The following OSMR variants were observed in gnomAD, a reference collection of about 807,000 sequenced individuals.
OSMR encodes the protein oncostatin M receptor, also known as oncostatin-M-specific receptor subunit beta.
In OSMR, 81 loss-of-function variants were observed where a neutral mutation model predicts 99.9. The observed-to-expected ratio is 0.81, with a 90% CI of 0.68 to 0.97. The LOEUF is 0.97. Among genes scored for constraint, OSMR ranks in the 50% least tolerant of loss-of-function variants. OSMR has a pLI of 0.00. For missense variants in OSMR, 1,099 were observed against 1,153.4 expected (o/e 0.95, Z 0.68); for synonymous variants, 406 against 410.4 (o/e 0.99, Z 0.13).
At chr5:38,915,823 A>G (rs1341643497) in intron 9 of OSMR, among the ~76,000 whole-genome samples, 2 of 152,214 alleles carry the variant, frequency 1.3e-5, no homozygotes, top group Non-Finnish European at 2.9e-5. Flanking sequence ...GTGATTGAGT[A>G]GAGAGATAAA....
intron 7 of OSMR, among the ~76,000 whole-genome samples, chr5:38,891,612 C>T (rs576953717): frequency 5.3e-4 from 81 of 152,244 alleles, no homozygotes; most frequent in Middle Eastern, 3.4e-3. Context: ...CACCATGGAC[C>T]TTTGTAATCC....
intron 7 of OSMR, chr5:38,903,589 G>T (rs564307774): frequency 6.2e-6 from 1 of 160,732 alleles, no homozygotes; most frequent in East Asian, 1.9e-4. Context: ...TCCGCTGTGG[G>T]CCATCTTCTC....
intron 9 of OSMR, among the ~76,000 whole-genome samples, chr5:38,916,620 G>A (rs1023437017): frequency 1.3e-5 from 2 of 152,116 alleles, no homozygotes; most frequent in Non-Finnish European, 2.9e-5. Context: ...TTAATACATA[G>A]GTACCCAGAG....
chr5:38,900,655 A>G (rs1225992362), intron 7 of OSMR, among the ~76,000 whole-genome samples: 6 of 152,256 alleles, frequency 3.9e-5, no homozygotes, highest in Non-Finnish European at 8.8e-5. Context: ...GAGAAGGATT[A>G]CATAATGTTT....
At chr5:38,886,447 G>T in intron 7 of OSMR, 1 of 923,308 alleles carries the variant, frequency 1.1e-6, no homozygotes, top group East Asian at 3.3e-5. Context: ...AATAACTTCT[G>T]TCATATCTCA....
intron 1 of OSMR, among the ~76,000 whole-genome samples, chr5:38,848,288 A>G (rs1318133506): frequency 6.6e-6 from 1 of 152,174 alleles, no homozygotes; most frequent in Non-Finnish European, 1.5e-5. Flanking sequence ...CCAAACCAAA[A>G]CAAATAGAAT....
intron 1 of OSMR, among the ~76,000 whole-genome samples, chr5:38,862,690 G>A (rs1338696170): frequency 2.4e-4 from 37 of 151,920 alleles, no homozygotes; most frequent in Non-Finnish European, 5.2e-4. Context: ...TGGGCTGCCG[G>A]GCAGAGACGC....
chr5:38,924,216 A>T, intron 13 of OSMR: 1 of 682,520 alleles, frequency 1.5e-6, no homozygotes, highest in Non-Finnish European at 1.8e-6. Context: ...AAAAGGCAAG[A>T]CTTGAACAAG....
intron 4 of OSMR, among the ~76,000 whole-genome samples, chr5:38,882,252 A>G (rs189911746): frequency 1.2e-4 from 18 of 152,290 alleles, no homozygotes; most frequent in African/African-American, 4.1e-4. Flanking sequence ...GTGTAAACCA[A>G]TGAGACAGCT....
chr5:38,883,699 T>G, intron 4 of OSMR, 128 bp from the exon 5 acceptor site: 1 of 1,552,736 alleles, frequency 6.4e-7, no homozygotes, highest in Non-Finnish European at 8.7e-7. Flanking sequence ...GGCAGAGAAA[T>G]TTAGGTTGCT....
At chr5:38,929,640 A>G (rs1746628882) in intron 15 of OSMR, among the ~76,000 whole-genome samples, 1 of 152,204 alleles carries the variant, frequency 6.6e-6, no homozygotes, top group African/African-American at 2.4e-5. Flanking sequence ...AATTTTGGAA[A>G]ACTCCTTGGT....
chr5:38,944,522 G>A (rs1377027840), intron 2 of OSMR: 1 of 1,611,556 alleles, frequency 6.2e-7, no homozygotes, highest in Non-Finnish European at 8.5e-7. Flanking sequence ...ACTTCTTTGC[G>A]AAGGAGTATA....
chr5:38,874,483 T>G (rs1742649481), intron 2 of OSMR, among the ~76,000 whole-genome samples: 2 of 152,324 alleles, frequency 1.3e-5, no homozygotes, highest in South Asian at 4.1e-4. Context: ...AATTCTGAGG[T>G]TATGCCTCAT....
intron 1 of OSMR, among the ~76,000 whole-genome samples, chr5:38,863,049 AG>A (rs1219795445): frequency 6.6e-6 from 1 of 151,848 alleles, no homozygotes. Context: ...CTGCAATCTC[AG>A]GCACTCGGCA....
At chr5:38,932,830 C>T (rs941376991) in intron 17 of OSMR, 42 bp from the exon 18 acceptor site, 5 of 1,611,948 alleles carry the variant, frequency 3.1e-6, no homozygotes, top group Admixed American at 1.7e-5. Flanking sequence ...TGCATGCACA[C>T]ACACAAATGT....
intron 1 of OSMR, among the ~76,000 whole-genome samples, chr5:38,847,800 A>G (rs923436154): frequency 6.6e-6 from 1 of 152,208 alleles, no homozygotes; most frequent in African/African-American, 2.4e-5. Context: ...TCTTGGTCCC[A>G]GTTCCCGTTT....
Position 38,932,467 on chromosome 5 carries a change from A to G in OSMR, c.2299A>G (p.Lys767Glu), listed in dbSNP as rs1746797604. ...CATTTTCGCTTTTTTTTCTAGGATC[A>G]AGGAGACCTGTTATCCTGACATCCC... ...VMCYLKSQWI[K>E]ETCYPDIPDP... The change falls in exon 17 of 18, where the codon AAG (lysine) becomes GAG (glutamate). Residue 767 changes from lysine to glutamate, a missense_variant. Coordinates refer to ENST00000274276, the MANE Select transcript of OSMR (RefSeq NM_003999.3). The G allele has an allele frequency of 6.2e-7, 1 of 1,613,058 alleles. No individual in the cohort carries two copies. The highest frequency in any genetic ancestry group is 8.5e-7 in the Non-Finnish European group (1 of 1,179,162).
intron 1 of OSMR, among the ~76,000 whole-genome samples, chr5:38,861,640 T>A (rs1017272656): frequency 4.6e-5 from 7 of 152,148 alleles, no homozygotes; most frequent in Non-Finnish European, 5.9e-5. Flanking sequence ...TGGGTTCACC[T>A]CCCAGACGGG....
chr5:38,944,605 A>C (rs762783988), intron 2 of OSMR: 1 of 1,520,398 alleles, frequency 6.6e-7, no homozygotes, highest in Admixed American at 2.1e-5. Flanking sequence ...AATATTATCT[A>C]TGTCACAATA....
Sources: gnomAD v4.1 joint callset for allele counts (sites outside exome capture counted in the v4.1 genomes callset) on GRCh38, gnomAD v4.1.1 for gene constraint, MANE v1.5 for transcripts, NCBI Gene and HGNC (gene_info 2026-07-23, HGNC 2026-07-21) for gene names.